Variants in OSTM1 observed in about 807,000 individuals in gnomAD.
OSTM1 encodes osteopetrosis-associated transmembrane protein 1.
Under a neutral mutation model 35.4 loss-of-function variants are expected in OSTM1, and 26 were observed. The ratio of observed to expected loss-of-function variants is 0.73; its 90% confidence interval spans 0.54 to 1.02. OSTM1 has a LOEUF of 1.02. Among genes scored for constraint, OSTM1 ranks in the 50% least tolerant of loss-of-function variants. OSTM1 has a pLI of 0.00. For missense variants in OSTM1, 366 were observed against 409.6 expected (o/e 0.89, Z 0.92); for synonymous variants, 181 against 165.0 (o/e 1.10, Z -0.75).
intron 2 of OSTM1, among the ~76,000 whole-genome samples, chr6:108,056,260 G>A (rs554995083): frequency 9.9e-5 from 15 of 152,274 alleles, no homozygotes; most frequent in African/African-American, 3.4e-4. Context: ...TTATAAATAA[G>A]GAACAGAGAT....
chr6:108,055,963 C>A (rs375240735), intron 2 of OSTM1, among the ~76,000 whole-genome samples: 1 of 152,142 alleles, frequency 6.6e-6, no homozygotes, highest in East Asian at 1.9e-4. Flanking sequence ...TCTCTCTCAA[C>A]TGGAAGTGGA....
In OSTM1 at chr6:108,074,535, C is replaced by A. The variant is rs1772555307; in HGVS notation, c.117G>T (p.Pro39=). 8 of 1,556,648 alleles carry A rather than the reference C, an allele frequency of 5.1e-6. 2 individuals carry two copies. ...ALGALPFGSS[P]HRVFHDLLSE... ...ACAGGAGGTCGTGGAAGACCCTGTG[C>A]GGACTGCTGCCGAAGGGGAGCGCGC... is the stretch of plus-strand genomic sequence containing the variant. Residue 39 remains proline, a synonymous_variant, in exon 1 of 6, where the codon CCG becomes CCT. Transcript: ENST00000193322.
At chr6:108,073,791 C>T (rs1330835205) in intron 1 of OSTM1, 2 of 172,078 alleles carry the variant, frequency 1.2e-5, no homozygotes, top group Non-Finnish European at 2.5e-5. Flanking sequence ...GAGGAGGAAA[C>T]TAAGGTTCTG....
chr6:108,052,388 G>A (rs1359027427), intron 3 of OSTM1, among the ~76,000 whole-genome samples: 1 of 148,602 alleles, frequency 6.7e-6, no homozygotes, highest in Non-Finnish European at 1.5e-5. Context: ...AGCCGAGATC[G>A]CGCCACTGCA....
At chr6:108,052,663 A>C (rs893550683) in intron 3 of OSTM1, among the ~76,000 whole-genome samples, 2 of 152,000 alleles carry the variant, frequency 1.3e-5, no homozygotes, top group Non-Finnish European at 2.9e-5. Context: ...TTTTTATTCA[A>C]ATTTAAAATG....
chr6:108,054,862 T>A (rs757743181), intron 2 of OSTM1, among the ~76,000 whole-genome samples: 1 of 152,240 alleles, frequency 6.6e-6, no homozygotes, highest in Non-Finnish European at 1.5e-5. Flanking sequence ...CACAAGGTCA[T>A]AATCACGGAA....
intron 1 of OSTM1, among the ~76,000 whole-genome samples, chr6:108,067,570 G>A (rs9400192): frequency 0.052 from 6,650 of 127,248 alleles, 434 homozygotes; most frequent in Admixed American, 0.22. Flanking sequence ...CGTGGCTCAC[G>A]CCTGTATCCC....
intron 2 of OSTM1, among the ~76,000 whole-genome samples, chr6:108,063,827 G>A (rs750061122): frequency 1.1e-4 from 17 of 152,226 alleles, no homozygotes; most frequent in African/African-American, 3.6e-4. Context: ...TTCTCAAGGC[G>A]ACTATATAAG....
chr6:108,049,536 A>T, intron 4 of OSTM1, 118 bp from the exon 5 acceptor site: 2 of 1,520,978 alleles, frequency 1.3e-6, no homozygotes, highest in Non-Finnish European at 1.8e-6. Context: ...ACATACCTCT[A>T]AAAACCTACT....
At chr6:108,073,141 T>C (rs1772516074) in intron 1 of OSTM1, among the ~76,000 whole-genome samples, 1 of 152,206 alleles carries the variant, frequency 6.6e-6, no homozygotes, top group Non-Finnish European at 1.5e-5. Context: ...ACAGGCTGAC[T>C]TAAAGCAGGA....
At chr6:108,062,030 T>A (rs1490865513) in intron 2 of OSTM1, among the ~76,000 whole-genome samples, 1 of 150,956 alleles carries the variant, frequency 6.6e-6, no homozygotes, top group Non-Finnish European at 1.5e-5. Flanking sequence ...TCTATTTCTA[T>A]GTTTTTTTTT....
At position 108,074,123 on chromosome 6, in the gene OSTM1, A is replaced by T. The variant is rs1364139194; in HGVS notation, c.402+127T>A. 3.2e-6 allele frequency: 3 copies of T among 931,442 alleles called. No homozygotes were observed. In the African/African-American group the frequency reaches 4.9e-5, roughly 15 times the overall value. 57.7% of individuals were successfully genotyped at this position (931,442 alleles called of 1,614,324 possible). A position where few individuals can be genotyped will look rare whatever the true frequency, so the allele number is the denominator to read the frequency against. ...CCCCTTTTTCTGATGACCCAACTCT[A>T]CAGACTCAGTCCAACCCCTTTTTCT... On this transcript the variant is annotated intron_variant, in intron 1 of 5. Transcript: ENST00000193322.
In OSTM1 at chr6:108,044,710, T is replaced by G. The variant is rs552981793; in HGVS notation, c.*75A>C. 1.2e-6 allele frequency: 1 copy of G among 819,150 alleles called. No homozygotes were observed. Among genetic ancestry groups the G allele is most frequent in the East Asian group, 2.5e-5 (1 of 40,260 alleles). 50.7% of individuals were successfully genotyped at this position (819,150 alleles called of 1,614,324 possible). On this transcript the variant is annotated 3_prime_UTR_variant, in exon 6 of 6. Coordinates refer to ENST00000193322, the MANE Select transcript of OSTM1 (RefSeq NM_014028.4). Reference sequence around the variant, plus strand: ...GAGCTTGACTTGTCAAATCACAGTTTATCTTCTTTCTGAAACCAAGTTGTG... The same window carrying G: ...GAGCTTGACTTGTCAAATCACAGTTGATCTTCTTTCTGAAACCAAGTTGTG...
At chr6:108,060,211 T>A (rs1772249898) in intron 2 of OSTM1, among the ~76,000 whole-genome samples, 1 of 152,168 alleles carries the variant, frequency 6.6e-6, no homozygotes, top group African/African-American at 2.4e-5. Flanking sequence ...TTTAAGTAAG[T>A]CATATCTAAT....
At position 108,044,030 on chromosome 6, in the gene OSTM1, T is replaced by C. The variant is rs1321860396; in HGVS notation, c.*755A>G. ...AAATTGCCAAATAACTTAATGTAATTCACGATGCAAATCCTTGGTATAAAA... is the reference window on the plus strand; with the variant it reads ...AAATTGCCAAATAACTTAATGTAATCCACGATGCAAATCCTTGGTATAAAA... On this transcript the variant is annotated 3_prime_UTR_variant, in exon 6 of 6. Transcript: ENST00000193322. 6.6e-6 allele frequency: 1 copy of C among 152,638 alleles called. No individual in the cohort carries two copies. The highest frequency in any genetic ancestry group is 2.4e-5 in the African/African-American group (1 of 41,458). 9.5% of individuals were successfully genotyped at this position (152,638 alleles called of 1,614,324 possible).
intron 4 of OSTM1, 157 bp from the exon 5 acceptor site, chr6:108,049,575 G>GA: frequency 1.3e-5 from 19 of 1,432,824 alleles, no homozygotes; most frequent in Non-Finnish European, 1.6e-5. Flanking sequence ...CTTCTGCCAG[G>GA]AAAAAAACCT....
rs113144199 is a variant in OSTM1, at chr6:108,069,969, G to A, written c.402+4281C>T. Among the ~76,000 whole-genome samples, 1,308 of 152,160 alleles carry A rather than the reference G, an allele frequency of 8.6e-3. 12 individuals are homozygous for A. Among genetic ancestry groups the A allele is most frequent in the African/African-American group, 0.022 (906 of 41,502 alleles). ...CCATGTCCATTCACACTAAAGAAGGGTAGAAAGAATGCCTTGAGATTCAGC... is the reference window on the plus strand; with the variant it reads ...CCATGTCCATTCACACTAAAGAAGGATAGAAAGAATGCCTTGAGATTCAGC... On this transcript the variant is annotated intron_variant, in intron 1 of 5. Coordinates refer to ENST00000193322, the MANE Select transcript of OSTM1 (RefSeq NM_014028.4).
At position 108,054,607 on chromosome 6, in the gene OSTM1, A is replaced by C. The variant is rs1244511182; in HGVS notation, c.518-20T>G. On this transcript the variant is annotated intron_variant, in intron 2 of 5. Coordinates refer to ENST00000193322, the MANE Select transcript of OSTM1 (RefSeq NM_014028.4). ...AACAATCTGTCAAAAAAATTCAAAA[A>C]GTATATTAATATAACTCAAGGAACA... The C allele has an allele frequency of 6.0e-6, 7 of 1,159,930 alleles. No homozygotes were observed. Among genetic ancestry groups the C allele is most frequent in the Non-Finnish European group, 9.1e-6 (7 of 771,174 alleles). The allele number at this position is 1,159,930 out of a possible 1,614,324, so 71.9% of individuals were successfully genotyped here. A position where few individuals can be genotyped will look rare whatever the true frequency, so the allele number is the denominator to read the frequency against.
At chr6:108,061,430 G>A (rs1317540247) in intron 2 of OSTM1, among the ~76,000 whole-genome samples, 1 of 149,722 alleles carries the variant, frequency 6.7e-6, no homozygotes, top group African/African-American at 2.5e-5. Flanking sequence ...ACTTCTTACT[G>A]GTCTCTCTCT....
Sources: allele counts gnomAD v4.1 joint callset (sites outside exome capture counted in the v4.1 genomes callset), GRCh38; gene constraint gnomAD v4.1.1; transcripts MANE v1.5; gene names NCBI Gene and HGNC (gene_info 2026-07-23, HGNC 2026-07-21).